The following INSYN2B variants were observed in gnomAD, a reference collection of about 807,000 sequenced individuals.
INSYN2B encodes inhibitory synaptic factor family member 2B, also known as protein INSYN2B.
In INSYN2B, 16 loss-of-function variants were observed where a neutral mutation model predicts 41.2. The ratio of observed to expected loss-of-function variants is 0.39; its 90% CI spans 0.26 to 0.59. INSYN2B has a LOEUF of 0.59. Ranked by LOEUF, INSYN2B falls within the 20% of genes least tolerant of loss-of-function variation. The pLI, the probability that INSYN2B is intolerant of heterozygous loss-of-function variation, is 0.57. For synonymous variants in INSYN2B, 245 were observed against 244.4 expected (o/e 1.00, Z -0.02); for missense variants, 608 against 646.4 (o/e 0.94, Z 0.64).
chr5:169,923,454 A>G (rs890612510), intron 1 of INSYN2B, among the ~76,000 whole-genome samples: 1 of 151,420 alleles, frequency 6.6e-6, no homozygotes, highest in East Asian at 2.0e-4. Flanking sequence ...ATTTGTTAGC[A>G]GCACATGCGT....
intron 3 of INSYN2B, among the ~76,000 whole-genome samples, chr5:169,872,570 A>G (rs1245593316): frequency 1.3e-5 from 2 of 152,200 alleles, no homozygotes; most frequent in East Asian, 3.9e-4. Flanking sequence ...TGGCATGTAT[A>G]TAAATGGGAT....
chr5:169,886,036 T>A (rs1220196102), intron 1 of INSYN2B, among the ~76,000 whole-genome samples: 1 of 152,176 alleles, frequency 6.6e-6, no homozygotes, highest in African/African-American at 2.4e-5. Context: ...TTTTGGGATC[T>A]GCATGATATG....
chr5:169,943,301 A>C (rs1022055370), intron 1 of INSYN2B, among the ~76,000 whole-genome samples: 5 of 152,182 alleles, frequency 3.3e-5, no homozygotes, highest in African/African-American at 1.2e-4. Context: ...CTTGAGGAAT[A>C]AGCAGTAGCT....
chr5:169,917,054 C>G (rs761830749), intron 1 of INSYN2B, among the ~76,000 whole-genome samples: 3 of 152,238 alleles, frequency 2.0e-5, no homozygotes, highest in Non-Finnish European at 4.4e-5. Context: ...CTATATGCCT[C>G]TCTTACTACT....
chr5:169,913,493 C>A (rs2113627299), intron 1 of INSYN2B, among the ~76,000 whole-genome samples: 1 of 152,314 alleles, frequency 6.6e-6, no homozygotes, highest in African/African-American at 2.4e-5. Flanking sequence ...TTTCTACTGG[C>A]TTCTTTGACT....
chr5:169,963,636 G>A (rs775680884), intron 1 of INSYN2B, among the ~76,000 whole-genome samples: 1 of 152,144 alleles, frequency 6.6e-6, no homozygotes, highest in Admixed American at 6.5e-5. Context: ...ACTGATCTTT[G>A]CTACCCAGAA....
intron 1 of INSYN2B, among the ~76,000 whole-genome samples, chr5:169,944,349 C>CAG (rs1409887154): frequency 3.3e-5 from 5 of 152,202 alleles, no homozygotes; most frequent in African/African-American, 1.2e-4. Flanking sequence ...TCAAGGCAGG[C>CAG]AGAGGCATGT....
At chr5:169,911,603 T>C (rs1479745736) in intron 1 of INSYN2B, among the ~76,000 whole-genome samples, 1 of 152,244 alleles carries the variant, frequency 6.6e-6, no homozygotes, top group African/African-American at 2.4e-5. Flanking sequence ...AGGCTTCATT[T>C]CACGTGGTGC....
chr5:169,929,741 C>CAA (rs1211612989), intron 1 of INSYN2B, among the ~76,000 whole-genome samples: 138 of 62,246 alleles, frequency 2.2e-3, no homozygotes, highest in Admixed American at 2.8e-3. Flanking sequence ...GACCCTGTCT[C>CAA]AAAAAAAAAA....
In INSYN2B at chr5:169,864,179, T is replaced by G. The variant is rs1771387135; in HGVS notation, c.*94A>C. On this transcript the variant is annotated 3_prime_UTR_variant, in exon 4 of 4. Coordinates refer to ENST00000377365, the MANE Select transcript of INSYN2B (RefSeq NM_001129891.3). ...GCCAAGGGGCTCACAGCCCAGGGCC[T>G]TTGCAAAGAAGCAGGGCAGGCCTTA... 3.4e-6 allele frequency: 4 copies of G among 1,165,640 alleles called. No individual in the cohort carries two copies. Among genetic ancestry groups the G allele is most frequent in the Non-Finnish European group, 5.0e-6 (4 of 805,566 alleles). 72.2% of individuals were successfully genotyped at this position (1,165,640 alleles called of 1,614,324 possible).
At chr5:169,936,796 C>A (rs1776021795) in intron 1 of INSYN2B, among the ~76,000 whole-genome samples, 1 of 152,066 alleles carries the variant, frequency 6.6e-6, no homozygotes, top group Admixed American at 6.6e-5. Flanking sequence ...CGTGGCAATG[C>A]CCACTTAGTA....
intron 1 of INSYN2B, among the ~76,000 whole-genome samples, chr5:169,960,122 T>A (rs1777024688): frequency 6.6e-6 from 1 of 152,226 alleles, no homozygotes. Context: ...GTGAAACTGA[T>A]GAAGGCAAGG....
At chr5:169,949,790 G>A (rs900633000) in intron 1 of INSYN2B, among the ~76,000 whole-genome samples, 1 of 148,172 alleles carries the variant, frequency 6.7e-6, no homozygotes, top group Non-Finnish European at 1.5e-5. Context: ...AGCCAACTGA[G>A]AAGGTTGTCA....
intron 1 of INSYN2B, among the ~76,000 whole-genome samples, chr5:169,952,756 C>T (rs1195381865): frequency 6.6e-6 from 1 of 152,118 alleles, no homozygotes; most frequent in Non-Finnish European, 1.5e-5. Flanking sequence ...TTGTTCCAAG[C>T]TTCGTTTGAT....
intron 1 of INSYN2B, chr5:169,934,681 T>G (rs259899): frequency 0.11 from 48,889 of 455,818 alleles, 3,572 homozygotes; most frequent in African/African-American, 0.29. Context: ...CTGAACCGAT[T>G]GGGTGCTACG....
At chr5:169,903,305 C>CAAAA (rs1774051616) in intron 1 of INSYN2B, among the ~76,000 whole-genome samples, 1 of 94,048 alleles carries the variant, frequency 1.1e-5, no homozygotes, top group Non-Finnish European at 2.2e-5. Flanking sequence ...ACAACAACAA[C>CAAAA]AACAATAAAA....
intron 1 of INSYN2B, among the ~76,000 whole-genome samples, chr5:169,886,311 A>G (rs991546030): frequency 8.5e-5 from 13 of 152,184 alleles, no homozygotes; most frequent in African/African-American, 3.1e-4. Context: ...CTCTGAGGAG[A>G]TGAACCTACT....
At chr5:169,899,012 C>T (rs544059092) in intron 1 of INSYN2B, among the ~76,000 whole-genome samples, 3 of 152,172 alleles carry the variant, frequency 2.0e-5, no homozygotes, top group Non-Finnish European at 4.4e-5. Context: ...GGTTTCAAAC[C>T]TGGCTGGTGA....
intron 1 of INSYN2B, among the ~76,000 whole-genome samples, chr5:169,924,570 AC>A (rs1775338227): frequency 6.6e-6 from 1 of 152,226 alleles, no homozygotes; most frequent in African/African-American, 2.4e-5. Context: ...CTCACTGAAC[AC>A]CCATCTCATC....
Sources: gnomAD v4.1 joint callset for allele counts (sites outside exome capture counted in the v4.1 genomes callset) on GRCh38, gnomAD v4.1.1 for gene constraint, MANE v1.5 for transcripts, NCBI Gene and HGNC (gene_info 2026-07-23, HGNC 2026-07-21) for gene names.